RMI1: variants seen among roughly 807,000 people sequenced by gnomAD.
RMI1 encodes the protein recQ-mediated genome instability protein 1.
RMI1 carries 36 observed loss-of-function variants against 46.7 expected under a neutral mutation model. That is an observed-to-expected ratio of 0.77 (90% confidence interval 0.59 to 1.02). RMI1 has a LOEUF of 1.02. Among genes scored for constraint, RMI1 ranks in the 50% least tolerant of loss-of-function variants. The probability of loss-of-function intolerance (pLI) is 0.00; values close to 1 mark genes in which losing one functional copy is unlikely to be tolerated. For missense variants in RMI1, 676 were observed against 713.7 expected, an observed-to-expected ratio of 0.95 and a Z score of 0.60; for synonymous variants, 250 against 252.9, an observed-to-expected ratio of 0.99 and a Z score of 0.11.
chr9:83,985,352 G>A (rs1438738058), intron 1 of RMI1, among the ~76,000 whole-genome samples: 2 of 152,166 alleles, frequency 1.3e-5, no homozygotes, highest in African/African-American at 2.4e-5. Flanking sequence ...TGTAACAGAT[G>A]TATGTTAGCA....
In RMI1 at chr9:84,001,549, A is replaced by T; in HGVS notation, c.563A>T (p.Lys188Ile). ...CTCTTATTGAAACCAGAAAACGTGA[A>T]AGTGTTAGGAGGTGAAGTAGATGCT... ...GVLLLKPENV[K>I]VLGGEVDALL... The change falls in exon 3 of 3, where the codon AAA becomes ATA. Residue 188 changes from lysine (K) to isoleucine (I), a missense_variant. By Grantham distance (102) the Lys-to-Ile change is moderately radical. Coordinates refer to ENST00000445877, the MANE Select transcript of RMI1 (RefSeq NM_001358291.2). The T allele has an allele frequency of 1.9e-6, 3 of 1,613,794 alleles. No homozygotes were observed. Among genetic ancestry groups the T allele is most frequent in the Non-Finnish European group, 2.5e-6 (3 of 1,179,948 alleles).
At chr9:84,000,924 C>A in intron 2 of RMI1, 27 bp from the exon 3 acceptor site, 1 of 1,189,592 alleles carries the variant, frequency 8.4e-7, no homozygotes, top group Non-Finnish European at 1.2e-6. Flanking sequence ...ACTGAATTAT[C>A]TAAATTTTTT....
chr9:83,992,383 A>G (rs1957587563), intron 1 of RMI1, among the ~76,000 whole-genome samples: 1 of 152,160 alleles, frequency 6.6e-6, no homozygotes, highest in African/African-American at 2.4e-5. Flanking sequence ...TCCACAAGAC[A>G]GATCACAGCT....
At chr9:83,983,075 TTG>T (rs1297234438) in intron 1 of RMI1, among the ~76,000 whole-genome samples, 3 of 152,220 alleles carry the variant, frequency 2.0e-5, no homozygotes, top group African/African-American at 7.2e-5. Context: ...GCTAATATAA[TTG>T]AGAATGTACA....
Position 84,002,466 on chromosome 9 carries a change from TTGTC to T in RMI1, c.1484_1487del (p.Ser495PhefsTer2), listed in dbSNP as rs1263054763. 5 of 1,613,862 alleles carry T rather than the reference TTGTC, an allele frequency of 3.1e-6. No individual in the cohort carries two copies. Among genetic ancestry groups the T allele is most frequent in the African/African-American group, 1.3e-5 (1 of 74,938 alleles). On this transcript the variant is annotated frameshift_variant, in exon 3 of 3. Coordinates refer to ENST00000445877, the MANE Select transcript of RMI1 (RefSeq NM_001358291.2). LOFTEE classifies it high-confidence loss of function. ...TTTGTATTCTCCACCCTTTGTCTATTTGTCTGTTCTAATGGCCAGCAAACCAAAG... is the reference window on the plus strand; with the variant it reads ...TTTGTATTCTCCACCCTTTGTCTATTTGTTCTAATGGCCAGCAAACCAAAG...
Position 84,000,943 on chromosome 9 carries a change from G to T in RMI1, c.-36-8G>T, listed in dbSNP as rs1298415788. ...AATTATCTAAATTTTTTTGTTTTTT[G>T]TTTTCAGGTAATAGATGCATATTAT... On this transcript the variant is annotated splice_polypyrimidine_tract_variant and splice_region_variant and intron_variant, in intron 2 of 2. Transcript: ENST00000445877. 6 of 1,467,172 alleles carry T rather than the reference G, an allele frequency of 4.1e-6. No homozygotes were observed. Among genetic ancestry groups the T allele is most frequent in the South Asian group, 2.7e-5 (2 of 74,008 alleles). The allele number at this position is 1,467,172 out of a possible 1,614,324, so 90.9% of individuals were successfully genotyped here.
chr9:83,987,998 A>T (rs532686449), intron 1 of RMI1, among the ~76,000 whole-genome samples: 3 of 150,892 alleles, frequency 2.0e-5, no homozygotes, highest in African/African-American at 7.3e-5. Flanking sequence ...TGATCCTCCT[A>T]CCTCTGCCTC....
intron 1 of RMI1, among the ~76,000 whole-genome samples, chr9:83,994,082 C>G (rs1957614949): frequency 6.6e-6 from 1 of 151,964 alleles, no homozygotes; most frequent in Admixed American, 6.6e-5. Flanking sequence ...CTGTTATCAG[C>G]TCATTGTATA....
Position 84,002,707 on chromosome 9 carries a change from TC to T in RMI1, c.1723del (p.Leu575TrpfsTer11). The T allele has an allele frequency of 6.2e-7, 1 of 1,613,962 alleles. No individual in the cohort carries two copies. The highest frequency in any genetic ancestry group is 8.5e-7 in the Non-Finnish European group (1 of 1,179,932). ...SKKDPLQYQK[F>X]LEGLQKCQRD... ...AAGGATCCTCTTCAATACCAAAAGTTCCTGGAAGGGTTGCAGAAATGTCAAA... is the reference window on the plus strand; with the variant it reads ...AAGGATCCTCTTCAATACCAAAAGTTCTGGAAGGGTTGCAGAAATGTCAAA... On this transcript the variant is annotated frameshift_variant, in exon 3 of 3. Transcript: ENST00000445877. LOFTEE classifies it high-confidence loss of function.
rs1266569756 is a variant in RMI1 at position 84,001,763 on chromosome 9, A to G, written c.777A>G (p.Ala259=). ...ASLDENDELT[A]NNDTSSERCF... ...TTGATGAAAATGATGAGCTTACAGC[A>G]AATAATGACACTTCCTCAGAACGAT... The change falls in exon 3 of 3, where the codon GCA becomes GCG. Residue 259 remains alanine (A), a synonymous_variant. Transcript: ENST00000445877. The G allele has an allele frequency of 6.2e-7, 1 of 1,614,078 alleles. No homozygotes were observed. Among genetic ancestry groups the G allele is most frequent in the Non-Finnish European group, 8.5e-7 (1 of 1,179,974 alleles).
intron 1 of RMI1, among the ~76,000 whole-genome samples, chr9:83,981,788 T>C (rs1239780052): frequency 2.0e-5 from 3 of 152,240 alleles, no homozygotes; most frequent in Non-Finnish European, 4.4e-5. Flanking sequence ...CCTTCTTGGG[T>C]AATTTGCAAA....
rs751366878 is a variant in RMI1 at position 84,002,883 on chromosome 9, A to G, written c.*19A>G. On this transcript the variant is annotated 3_prime_UTR_variant, in exon 3 of 3. Transcript: ENST00000445877. The stretch of plus-strand genomic sequence containing the variant: ...TAAATAATTAAACTAAAATAGTATT[A>G]GGAACAATTAAAAACAACAAGGAAA... 13 of 1,332,908 alleles carry G rather than the reference A, an allele frequency of 9.8e-6. No homozygotes were observed. In the East Asian group the frequency reaches 2.1e-4, roughly 22 times the overall value. 82.6% of individuals were successfully genotyped at this position (1,332,908 alleles called of 1,614,324 possible).
Position 84,002,340 on chromosome 9 carries a change from C to A in RMI1, c.1354C>A (p.Gln452Lys), listed in dbSNP as rs1346113636. The A allele has an allele frequency of 6.2e-7, 1 of 1,603,422 alleles. No individual in the cohort carries two copies. Among genetic ancestry groups the A allele is most frequent in the Non-Finnish European group, 8.5e-7 (1 of 1,171,474 alleles). Reference sequence around the variant, plus strand: ...AAATAGAGAGGTGGTCAACTATGTACAGAAAAGGAATTCACAAATTTCTAA... The same window carrying A: ...AAATAGAGAGGTGGTCAACTATGTAAAGAAAAGGAATTCACAAATTTCTAA... ...ILNREVVNYV[Q>K]KRNSQISNEN... The change falls in exon 3 of 3, where the codon CAG (glutamine) becomes AAG (lysine). Residue 452 changes from glutamine (Q) to lysine (K), a missense_variant. Transcript: ENST00000445877.
At chr9:83,991,841 G>T (rs1308489242) in intron 1 of RMI1, among the ~76,000 whole-genome samples, 1 of 152,132 alleles carries the variant, frequency 6.6e-6, no homozygotes, top group Non-Finnish European at 1.5e-5. Context: ...CTATTTTCCA[G>T]TATGTTAATC....
intron 1 of RMI1, among the ~76,000 whole-genome samples, chr9:83,988,598 C>T (rs1375626421): frequency 6.6e-6 from 1 of 152,230 alleles, no homozygotes; most frequent in African/African-American, 2.4e-5. Flanking sequence ...GCCACTGCAC[C>T]TTGCCCAACT....
chr9:83,982,560 C>G (rs912445987), intron 1 of RMI1, among the ~76,000 whole-genome samples: 63 of 151,984 alleles, frequency 4.1e-4, no homozygotes, highest in Non-Finnish European at 1.6e-4. Context: ...CCCAGCTACT[C>G]AGGAGGCCGA....
chr9:83,982,680 AAAAAC>A, intron 1 of RMI1, among the ~76,000 whole-genome samples: 1 of 150,622 alleles, frequency 6.6e-6, no homozygotes, highest in African/African-American at 2.5e-5. Context: ...AAACAAAAAC[AAAAAC>A]AAAAAAAAAA....
intron 1 of RMI1, among the ~76,000 whole-genome samples, chr9:83,984,041 C>T (rs73471376): frequency 3.4e-4 from 51 of 151,996 alleles, no homozygotes; most frequent in African/African-American, 1.2e-3. Flanking sequence ...GGTAAACTCT[C>T]TGCCACATAA....
chr9:83,987,055 C>G (rs1957501172), intron 1 of RMI1, among the ~76,000 whole-genome samples: 1 of 151,928 alleles, frequency 6.6e-6, no homozygotes, highest in Non-Finnish European at 1.5e-5. Flanking sequence ...TTCCTTCCCT[C>G]CCCTCCCCTC....
Sources: gnomAD v4.1 joint callset for allele counts (sites outside exome capture counted in the v4.1 genomes callset) on GRCh38, gnomAD v4.1.1 for gene constraint, MANE v1.5 for transcripts, NCBI Gene and HGNC (gene_info 2026-07-23, HGNC 2026-07-21) for gene names.